The following RIMBP2 variants were observed in gnomAD, a reference collection of about 807,000 sequenced individuals.
RIMBP2 encodes the protein RIMS binding protein 2, also known as RIMS-binding protein 2.
RIMBP2 carries 48 observed loss-of-function variants against 118.6 expected under a neutral mutation model. That is an observed-to-expected ratio of 0.40 (90% CI 0.32 to 0.51). RIMBP2 has a LOEUF of 0.51. Among genes scored for constraint, RIMBP2 ranks in the 20% least tolerant of loss-of-function variants. The pLI is 0.41. For synonymous variants in RIMBP2, 762 were observed against 742.9 expected, an observed-to-expected ratio of 1.03 and a Z score of -0.42; for missense variants, 1,551 against 1,768.3, an observed-to-expected ratio of 0.88 and a Z score of 2.20.
intron 1 of RIMBP2, among the ~76,000 whole-genome samples, chr12:130,637,365 G>C (rs2062399130): frequency 6.6e-6 from 1 of 152,250 alleles, no homozygotes; most frequent in South Asian, 2.1e-4. Flanking sequence ...CTGGAACGCA[G>C]GAAACACTGG....
chr12:130,480,869 G>A (rs1356690730), intron 4 of RIMBP2, among the ~76,000 whole-genome samples: 1 of 152,206 alleles, frequency 6.6e-6, no homozygotes, highest in Non-Finnish European at 1.5e-5. Flanking sequence ...CCAAAGTGCT[G>A]GGATTACAGG....
At chr12:130,637,718 G>C (rs2062414180) in intron 1 of RIMBP2, among the ~76,000 whole-genome samples, 1 of 151,252 alleles carries the variant, frequency 6.6e-6, no homozygotes, top group Non-Finnish European at 1.5e-5. Flanking sequence ...GCGATGTCCT[G>C]GTGTAAATGT....
intron 17 of RIMBP2, among the ~76,000 whole-genome samples, chr12:130,421,635 C>T (rs2076410523): frequency 6.6e-6 from 1 of 151,582 alleles, no homozygotes; most frequent in South Asian, 2.1e-4. Flanking sequence ...CATGCCAAAC[C>T]AAGACGGTTT....
At position 130,576,790 on chromosome 12, in the gene RIMBP2, T is replaced by A. The variant is rs374485370; in HGVS notation, c.-217+51532A>T. On this transcript the variant is annotated intron_variant, in intron 2 of 22. Coordinates refer to ENST00000690449, the MANE Select transcript of RIMBP2 (RefSeq NM_001393629.1). The surrounding 1 kb of genome is among the most constrained non-coding windows in gnomAD (Gnocchi z 4.2). Reference sequence around the variant, plus strand: ...ACACAAGCTCCGAGTCCTAAACGAATCACACCAGGATGGAGATTGCAGGAT... The same window carrying A: ...ACACAAGCTCCGAGTCCTAAACGAAACACACCAGGATGGAGATTGCAGGAT... Among the ~76,000 whole-genome samples the A allele has an allele frequency of 6.6e-6, 1 of 152,104 alleles. No homozygotes were observed. Among genetic ancestry groups the A allele is most frequent in the East Asian group, 1.9e-4 (1 of 5,174 alleles).
At chr12:130,584,899 CT>C (rs1226460489) in intron 2 of RIMBP2, among the ~76,000 whole-genome samples, 5 of 126,416 alleles carry the variant, frequency 4.0e-5, no homozygotes, top group South Asian at 2.6e-4. Flanking sequence ...TTGTTCCATT[CT>C]TTTTTTTTGA....
At chr12:130,500,467 A>T (rs2049639935) in intron 4 of RIMBP2, among the ~76,000 whole-genome samples, 1 of 152,180 alleles carries the variant, frequency 6.6e-6, no homozygotes, top group Non-Finnish European at 1.5e-5. Context: ...CAAAGAAAAA[A>T]CAAACAACAA....
At chr12:130,645,861 C>G (rs190824869) in intron 1 of RIMBP2, among the ~76,000 whole-genome samples, 1 of 152,296 alleles carries the variant, frequency 6.6e-6, no homozygotes, top group Admixed American at 6.5e-5. Context: ...CTGAAACCAA[C>G]TCTTTACAGT....
At chr12:130,655,034 T>A (rs1325821070) in intron 1 of RIMBP2, among the ~76,000 whole-genome samples, 1 of 152,326 alleles carries the variant, frequency 6.6e-6, no homozygotes, top group Middle Eastern at 3.4e-3. Flanking sequence ...CCTCCAGCAC[T>A]GGGATCACAT....
chr12:130,685,795 G>T (rs1393349646), intron 1 of RIMBP2, among the ~76,000 whole-genome samples: 5 of 152,138 alleles, frequency 3.3e-5, no homozygotes, highest in Non-Finnish European at 5.9e-5. Flanking sequence ...CTATGACAAG[G>T]CCAGACACAG....
intron 2 of RIMBP2, among the ~76,000 whole-genome samples, chr12:130,562,513 C>A (rs1030365820): frequency 6.6e-6 from 1 of 152,200 alleles, no homozygotes; most frequent in East Asian, 1.9e-4. Context: ...TGCTTGACAG[C>A]AACCAAGGGA....
chr12:130,612,649 A>G (rs1247465845), intron 2 of RIMBP2, among the ~76,000 whole-genome samples: 1 of 152,240 alleles, frequency 6.6e-6, no homozygotes, highest in African/African-American at 2.4e-5. Context: ...CAGAGGAAAC[A>G]GTGTAAATGC....
At chr12:130,589,126 TA>T (rs1246008472) in intron 2 of RIMBP2, among the ~76,000 whole-genome samples, 3 of 152,206 alleles carry the variant, frequency 2.0e-5, no homozygotes, top group Non-Finnish European at 2.9e-5. Context: ...TCTACCCTCA[TA>T]TCCCAGCTAT....
chr12:130,648,946 G>A (rs1038286622), intron 1 of RIMBP2, among the ~76,000 whole-genome samples: 3 of 145,908 alleles, frequency 2.1e-5, no homozygotes, highest in South Asian at 2.1e-4. Flanking sequence ...GTGAGCCGCC[G>A]AGAAACGGAT....
chr12:130,713,720 C>T (rs1023762895), intron 1 of RIMBP2, among the ~76,000 whole-genome samples: 12 of 152,348 alleles, frequency 7.9e-5, no homozygotes, highest in Middle Eastern at 3.4e-3. Flanking sequence ...AACAGATGCT[C>T]ATTGCCGTGC....
At chr12:130,697,426 G>A (rs1324151830) in intron 1 of RIMBP2, among the ~76,000 whole-genome samples, 1 of 152,208 alleles carries the variant, frequency 6.6e-6, no homozygotes, top group African/African-American at 2.4e-5. Flanking sequence ...GGGAGGCTGA[G>A]GCGAGAGGAT....
chr12:130,566,284 A>G (rs1197585545), intron 2 of RIMBP2, among the ~76,000 whole-genome samples: 1 of 152,178 alleles, frequency 6.6e-6, no homozygotes, highest in African/African-American at 2.4e-5. Flanking sequence ...TAATAGAGAA[A>G]GTGGAGCTGC....
At chr12:130,646,276 C>T (rs1427464939) in intron 1 of RIMBP2, among the ~76,000 whole-genome samples, 1 of 102,590 alleles carries the variant, frequency 9.7e-6, no homozygotes, top group Admixed American at 9.5e-5. Context: ...CCTGCCTCAC[C>T]ACCTCCCTCA....
rs571338882 is a variant in RIMBP2 at position 130,655,462 on chromosome 12, G to T, written c.-351-27006C>A. ...AGGGAGGAAAAGACCAAGGAGGGGT[G>T]GGCAGGGCGGAGAGTCAGAGAAACA... On this transcript the variant is annotated intron_variant, in intron 1 of 22. Coordinates refer to ENST00000690449, the MANE Select transcript of RIMBP2 (RefSeq NM_001393629.1). 2.0e-5 allele frequency among the ~76,000 whole-genome samples: 3 copies of T among 152,274 alleles called. No individual in the cohort carries two copies. The South Asian group carries it at 6.2e-4, about 32-fold the overall frequency.
In RIMBP2 at chr12:130,508,832, T is replaced by C. The variant is rs554528308; in HGVS notation, c.-126-2062A>G. 1.9e-3 allele frequency among the ~76,000 whole-genome samples: 285 copies of C among 152,054 alleles called. 1 individual carries two copies. The highest frequency in any genetic ancestry group is 6.4e-3 in the African/African-American group (267 of 41,466). ...AAGATTTTTGTACTGAATGGAATGGTGTTGAGGAAATTTCCAAGAGTGGAA... is the reference window on the plus strand; with the variant it reads ...AAGATTTTTGTACTGAATGGAATGGCGTTGAGGAAATTTCCAAGAGTGGAA... On this transcript the variant is annotated intron_variant, in intron 3 of 22. Transcript: ENST00000690449.
Sources: gnomAD v4.1 joint callset for allele counts (sites outside exome capture counted in the v4.1 genomes callset) on GRCh38, gnomAD v4.1.1 for gene constraint, Gnocchi (gnomAD v3.1) non-coding constraint, MANE v1.5 for transcripts, NCBI Gene and HGNC (gene_info 2026-07-23, HGNC 2026-07-21) for gene names.